SHANK2: variants seen among roughly 807,000 people sequenced by gnomAD.
SHANK2 encodes SH3 and multiple ankyrin repeat domains protein 2.
Under a neutral mutation model 133.7 loss-of-function variants are expected in SHANK2, and 43 were observed. The ratio of observed to expected loss-of-function variants is 0.32; its 90% CI spans 0.25 to 0.41. The LOEUF (loss-of-function observed/expected upper bound fraction) is 0.41. Among genes scored for constraint, SHANK2 ranks in the 10% least tolerant of loss-of-function variants. The pLI is 1.00. For missense variants in SHANK2, 1,994 were observed against 2,235.8 expected, an observed-to-expected ratio of 0.89 and a Z score of 2.18; for synonymous variants, 1,017 against 952.8, an observed-to-expected ratio of 1.07 and a Z score of -1.24.
chr11:70,558,299 C>G (rs114344393), intron 17 of SHANK2, among the ~76,000 whole-genome samples: 67 of 152,354 alleles, frequency 4.4e-4, no homozygotes, highest in African/African-American at 1.5e-3. Flanking sequence ...CCTGTACCTG[C>G]CCTCTGGACA....
At chr11:70,921,398 C>A (rs1950349526) in intron 10 of SHANK2, among the ~76,000 whole-genome samples, 1 of 152,192 alleles carries the variant, frequency 6.6e-6, no homozygotes, top group Admixed American at 6.5e-5. Flanking sequence ...AGAGCCGATT[C>A]CTGCTAGCTG....
Position 70,820,583 on chromosome 11 carries a change from T to A in SHANK2, c.1274A>T (p.Asn425Ile), listed in dbSNP as rs1172966904. 3 of 716,454 alleles carry A rather than the reference T, an allele frequency of 4.2e-6. No homozygotes were observed. The African/African-American group carries it at 5.2e-5, about 13-fold the overall frequency. 44.4% of individuals were successfully genotyped at this position (716,454 alleles called of 1,614,324 possible). A position where few individuals can be genotyped will look rare whatever the true frequency, so the allele number is the denominator to read the frequency against. ...RVLLRSNSDNNLNASAPDWAV... is the reference protein window; with the variant it reads ...RVLLRSNSDNILNASAPDWAV... ...CCAGTCGGGAGCGCTGGCATTGAGG[T>A]TGTTGTCACTGTTGGAGCGCAGCAG... Residue 425 changes from asparagine to isoleucine, a missense_variant, in exon 12 of 26, where the codon AAC (asparagine) becomes ATC (isoleucine). Asn to Ile is a moderately radical substitution (Grantham distance 149). Coordinates refer to ENST00000601538, the MANE Select transcript of SHANK2 (RefSeq NM_012309.5).
At chr11:70,916,920 C>T (rs782623502) in intron 10 of SHANK2, among the ~76,000 whole-genome samples, 9 of 152,138 alleles carry the variant, frequency 5.9e-5, no homozygotes, top group Non-Finnish European at 8.8e-5. Context: ...ACCTTAAGCA[C>T]CAGGTGCATG....
chr11:70,562,569 C>G (rs2136135996), intron 17 of SHANK2, among the ~76,000 whole-genome samples: 2 of 152,262 alleles, frequency 1.3e-5, no homozygotes, highest in African/African-American at 4.8e-5. Context: ...TATTTTGATA[C>G]TAATATCGTC....
At chr11:70,805,493 C>T (rs944598129) in intron 13 of SHANK2, among the ~76,000 whole-genome samples, 4 of 152,358 alleles carry the variant, frequency 2.6e-5, no homozygotes, top group East Asian at 1.9e-4. Context: ...CTTGCTCCCC[C>T]ACTGCGGGGC....
At chr11:70,605,418 C>T (rs561099549) in intron 17 of SHANK2, among the ~76,000 whole-genome samples, 1 of 152,236 alleles carries the variant, frequency 6.6e-6, no homozygotes, top group East Asian at 1.9e-4. Context: ...AGGAAGCCCC[C>T]CTGTGACCAC....
At chr11:71,223,275 G>T (rs1192732575) in intron 2 of SHANK2, among the ~76,000 whole-genome samples, 1 of 152,214 alleles carries the variant, frequency 6.6e-6, no homozygotes, top group Non-Finnish European at 1.5e-5. Flanking sequence ...GCCGCGTTTA[G>T]GACCCCAGGG....
chr11:70,858,777 G>A (rs1410130036), intron 11 of SHANK2, among the ~76,000 whole-genome samples: 3 of 152,160 alleles, frequency 2.0e-5, no homozygotes, highest in African/African-American at 7.2e-5. Flanking sequence ...TCTTCTCCTG[G>A]ACTATGCACC....
intron 1 of SHANK2, among the ~76,000 whole-genome samples, chr11:71,234,880 A>G (rs570420186): frequency 6.6e-6 from 1 of 152,304 alleles, no homozygotes; most frequent in East Asian, 1.9e-4. Flanking sequence ...CGAAACATGT[A>G]TACAAATGTT....
chr11:70,879,938 T>C (rs1949633068), intron 11 of SHANK2, among the ~76,000 whole-genome samples: 1 of 152,248 alleles, frequency 6.6e-6, no homozygotes, highest in African/African-American at 2.4e-5. Context: ...CAGAGCTTCC[T>C]GGCTTTTGAG....
intron 14 of SHANK2, among the ~76,000 whole-genome samples, chr11:70,779,455 G>A (rs782241105): frequency 2.6e-5 from 4 of 152,116 alleles, no homozygotes; most frequent in Non-Finnish European, 5.9e-5. Flanking sequence ...TCATTTGCCT[G>A]TATTTTTAAA....
chr11:71,152,266 C>A (rs1407804766), intron 2 of SHANK2, among the ~76,000 whole-genome samples: 1 of 152,130 alleles, frequency 6.6e-6, no homozygotes, highest in African/African-American at 2.4e-5. Context: ...ATACCTGCCA[C>A]CATGCCTTGC....
At chr11:70,834,575 G>A (rs559327277) in intron 11 of SHANK2, among the ~76,000 whole-genome samples, 42 of 152,308 alleles carry the variant, frequency 2.8e-4, no homozygotes, top group African/African-American at 1.0e-3. Context: ...ATCCAAAATA[G>A]CATCTCTTGT....
chr11:70,500,884 C>A lies in SHANK2; in HGVS notation c.2288-294G>T. On this transcript the variant is annotated intron_variant, in intron 20 of 25. Coordinates refer to ENST00000601538, the MANE Select transcript of SHANK2 (RefSeq NM_012309.5). This position sits in a 1 kb window ranked among gnomAD's most constrained non-coding sequence, Gnocchi z 4.5. ...TCAGCACCCCTTGTCCCACCAGCAC[C>A]CTGCCAAAGTAGGGAGGAGTTCTCA... The A allele has an allele frequency of 1.5e-6, 1 of 652,688 alleles. No homozygotes were observed. Among genetic ancestry groups the A allele is most frequent in the Non-Finnish European group, 2.8e-6 (1 of 354,734 alleles). 40.4% of individuals were successfully genotyped at this position (652,688 alleles called of 1,614,324 possible). A position where few individuals can be genotyped will look rare whatever the true frequency, so the allele number is the denominator to read the frequency against.
intron 3 of SHANK2, among the ~76,000 whole-genome samples, chr11:71,135,834 A>G (rs782033497): frequency 1.8e-4 from 28 of 152,122 alleles, no homozygotes; most frequent in Non-Finnish European, 3.5e-4. Context: ...CGGTGTTCAC[A>G]TGTACACAAC....
chr11:70,587,698 G>GT (rs34539549), intron 17 of SHANK2, among the ~76,000 whole-genome samples: 46,113 of 119,480 alleles, frequency 0.39, 9,468 homozygotes, highest in African/African-American at 0.48. Flanking sequence ...AGCACGTCCA[G>GT]TTTTTTTTTT....
intron 2 of SHANK2, among the ~76,000 whole-genome samples, chr11:71,166,083 C>G (rs1555110786): frequency 6.6e-6 from 1 of 152,216 alleles, no homozygotes; most frequent in African/African-American, 2.4e-5. Flanking sequence ...CAGCCCTTCC[C>G]TTGAAGGAGG....
intron 15 of SHANK2, among the ~76,000 whole-genome samples, chr11:70,691,478 G>A (rs557275872): frequency 5.9e-5 from 9 of 152,290 alleles, no homozygotes; most frequent in African/African-American, 1.9e-4. Context: ...TACCATGCTG[G>A]GAGAGCGCAA....
At chr11:71,200,620 A>G (rs1284735575) in intron 2 of SHANK2, among the ~76,000 whole-genome samples, 1 of 152,064 alleles carries the variant, frequency 6.6e-6, no homozygotes, top group East Asian at 1.9e-4. Flanking sequence ...CTCTACATTT[A>G]ACTTTTTTTA....
Sources: gnomAD v4.1 joint callset for allele counts (sites outside exome capture counted in the v4.1 genomes callset) on GRCh38, gnomAD v4.1.1 for gene constraint, Gnocchi (gnomAD v3.1) non-coding constraint, MANE v1.5 for transcripts, NCBI Gene and HGNC (gene_info 2026-07-23, HGNC 2026-07-21) for gene names.